Variants in UBE2E2 observed in about 807,000 individuals in gnomAD.
UBE2E2 encodes the protein ubiquitin-conjugating enzyme E2 E2.
In UBE2E2, 6 loss-of-function variants were observed where a neutral mutation model predicts 24.7. The observed-to-expected ratio is 0.24, with a 90% confidence interval of 0.13 to 0.48. The LOEUF (loss-of-function observed/expected upper bound fraction) is 0.48. Ranked by LOEUF, UBE2E2 falls within the 20% of genes least tolerant of loss-of-function variation. The probability of loss-of-function intolerance (pLI) is 0.99; values close to 1 mark genes in which losing one functional copy is unlikely to be tolerated. For missense variants in UBE2E2, 169 were observed against 245.0 expected (o/e 0.69, Z 2.07); for synonymous variants, 104 against 83.6 (o/e 1.24, Z -1.33).
At chr3:23,342,422 C>A (rs557293872) in intron 3 of UBE2E2, among the ~76,000 whole-genome samples, 1 of 152,214 alleles carries the variant, frequency 6.6e-6, no homozygotes, top group East Asian at 1.9e-4. Flanking sequence ...TTATTTAGCA[C>A]AGGAGGGGAT....
At chr3:23,337,410 G>T (rs1039128629) in intron 3 of UBE2E2, among the ~76,000 whole-genome samples, 1 of 152,164 alleles carries the variant, frequency 6.6e-6, no homozygotes, top group Non-Finnish European at 1.5e-5. Context: ...GCACTGGGAT[G>T]TAACAGTGTG....
In UBE2E2 at chr3:23,414,030, C is replaced by G. The variant is rs149988616; in HGVS notation, c.228-85578C>G. 1.3e-3 allele frequency among the ~76,000 whole-genome samples: 198 copies of G among 152,314 alleles called. 2 individuals carry two copies. The highest frequency in any genetic ancestry group is 4.5e-3 in the African/African-American group (189 of 41,578). ...TCACTGCATCCCTTCCTTAGGAACTCTTAATACATCTGCCTCATCCCATTT... is the reference window on the plus strand; with the variant it reads ...TCACTGCATCCCTTCCTTAGGAACTGTTAATACATCTGCCTCATCCCATTT... On this transcript the variant is annotated intron_variant, in intron 3 of 5. Coordinates refer to ENST00000396703, the MANE Select transcript of UBE2E2 (RefSeq NM_152653.4).
At chr3:23,302,576 A>G (rs1699128745) in intron 3 of UBE2E2, among the ~76,000 whole-genome samples, 1 of 152,160 alleles carries the variant, frequency 6.6e-6, no homozygotes, top group Non-Finnish European at 1.5e-5. Context: ...CTTATCATCT[A>G]AAATCCTAGA....
Position 23,294,676 on chromosome 3 carries a change from ATATT to A in UBE2E2, c.227+77371_227+77374del, listed in dbSNP as rs1042872108. ...TTATTTATTATTTTAAATAAATATA[ATATT>A]TATTTAAATATAATATTTATATAAT... On this transcript the variant is annotated intron_variant, in intron 3 of 5. Coordinates refer to ENST00000396703, the MANE Select transcript of UBE2E2 (RefSeq NM_152653.4). 1.3e-4 allele frequency among the ~76,000 whole-genome samples: 17 copies of A among 133,944 alleles called. 1 individual carries two copies. The highest frequency in any genetic ancestry group is 3.4e-4 in the African/African-American group (13 of 37,974). 87.9% of individuals were successfully genotyped at this position (133,944 alleles called of 152,430 possible).
Position 23,583,286 on chromosome 3 carries a change from A to G in UBE2E2, c.509-6448A>G, listed in dbSNP as rs141098041. Among the ~76,000 whole-genome samples, 14 of 152,202 alleles carry G rather than the reference A, an allele frequency of 9.2e-5. No individual in the cohort carries two copies. Among genetic ancestry groups the G allele is most frequent in the East Asian group, 1.9e-4 (1 of 5,182 alleles). ...GCTCTTTATTTTGTTCCACTAGTCT[A>G]TGTGTCTGTTTTTGTACCAGTATCA... On this transcript the variant is annotated intron_variant, in intron 5 of 5. Coordinates refer to ENST00000396703, the MANE Select transcript of UBE2E2 (RefSeq NM_152653.4). The surrounding 1 kb of genome is among the most constrained non-coding windows in gnomAD (Gnocchi z 4.1).
intron 5 of UBE2E2, among the ~76,000 whole-genome samples, chr3:23,586,271 A>C (rs959000845): frequency 6.6e-6 from 1 of 152,140 alleles, no homozygotes; most frequent in Non-Finnish European, 1.5e-5. Context: ...ATTTTAAGTG[A>C]ACATCAAATA....
intron 3 of UBE2E2, among the ~76,000 whole-genome samples, chr3:23,242,049 A>G (rs1697272474): frequency 6.6e-6 from 1 of 152,166 alleles, no homozygotes; most frequent in South Asian, 2.1e-4. Flanking sequence ...AGCTGAGACT[A>G]CAGGATTGGG....
chr3:23,268,157 T>G (rs1361504790), intron 3 of UBE2E2, among the ~76,000 whole-genome samples: 10 of 149,554 alleles, frequency 6.7e-5, no homozygotes, highest in South Asian at 2.1e-4. Context: ...AGACAGGTTT[T>G]CCCTCTCTCA....
At chr3:23,505,887 A>T (rs983958076) in intron 4 of UBE2E2, among the ~76,000 whole-genome samples, 2 of 152,246 alleles carry the variant, frequency 1.3e-5, no homozygotes, top group Non-Finnish European at 2.9e-5. Context: ...TTGACAGGTC[A>T]TGGCTACTCA....
intron 3 of UBE2E2, among the ~76,000 whole-genome samples, chr3:23,430,234 C>G (rs1447310017): frequency 6.6e-6 from 1 of 152,020 alleles, no homozygotes; most frequent in Non-Finnish European, 1.5e-5. Flanking sequence ...GCAGCTTATT[C>G]TATAATCGAC....
At chr3:23,543,157 T>A (rs945063850) in intron 5 of UBE2E2, among the ~76,000 whole-genome samples, 7 of 152,070 alleles carry the variant, frequency 4.6e-5, no homozygotes, top group African/African-American at 1.2e-4. Context: ...CTACAAAACA[T>A]AACAAACACT....
chr3:23,355,145 C>G (rs763241422), intron 3 of UBE2E2, among the ~76,000 whole-genome samples: 25 of 150,950 alleles, frequency 1.7e-4, no homozygotes, highest in Non-Finnish European at 2.8e-4. Flanking sequence ...AAACAAACAC[C>G]TCATGTTCTC....
chr3:23,313,386 C>CTTTTTTTTTTTTTTTTTTTTT (rs34208918), intron 3 of UBE2E2, among the ~76,000 whole-genome samples: 1 of 111,872 alleles, frequency 8.9e-6, no homozygotes. Context: ...ATCATTGGGT[C>CTTTTTTTTTTTTTTTTTTTTT]TTTTTTTTTT....
At chr3:23,342,770 A>G (rs1214740146) in intron 3 of UBE2E2, among the ~76,000 whole-genome samples, 1 of 152,184 alleles carries the variant, frequency 6.6e-6, no homozygotes, top group Non-Finnish European at 1.5e-5. Context: ...GGTGAATTTG[A>G]TAGAAATGGG....
chr3:23,373,244 G>A (rs1036773951), intron 3 of UBE2E2, among the ~76,000 whole-genome samples: 5 of 152,076 alleles, frequency 3.3e-5, no homozygotes, highest in Admixed American at 2.0e-4. Context: ...ACACCAGGTT[G>A]GTGGAAATGG....
intron 5 of UBE2E2, among the ~76,000 whole-genome samples, chr3:23,538,280 G>A (rs574628508): frequency 1.7e-3 from 262 of 152,076 alleles, no homozygotes; most frequent in Non-Finnish European, 3.5e-3. Context: ...CTTGTCTTCT[G>A]TCAACTTCTG....
intron 3 of UBE2E2, chr3:23,273,823 G>T (rs1698313552): frequency 6.6e-6 from 1 of 152,416 alleles, no homozygotes; most frequent in Non-Finnish European, 1.5e-5. Context: ...TTCAAGTGCA[G>T]TGTGGTGTTT....
intron 5 of UBE2E2, among the ~76,000 whole-genome samples, chr3:23,580,383 T>C (rs562722947): frequency 6.6e-6 from 1 of 152,302 alleles, no homozygotes; most frequent in East Asian, 1.9e-4. Context: ...CCATCCACAT[T>C]AAGGCAAGAT....
chr3:23,373,330 G>A (rs566822293), intron 3 of UBE2E2, among the ~76,000 whole-genome samples: 1 of 152,302 alleles, frequency 6.6e-6, no homozygotes, highest in South Asian at 2.1e-4. Flanking sequence ...GTCCTGTGGG[G>A]TAAGCAGGAA....
Sources: allele counts gnomAD v4.1 joint callset (sites outside exome capture counted in the v4.1 genomes callset), GRCh38; gene constraint gnomAD v4.1.1; non-coding constraint Gnocchi (gnomAD v3.1); transcripts MANE v1.5; gene names NCBI Gene and HGNC (gene_info 2026-07-23, HGNC 2026-07-21).